DMD: variants seen among roughly 807,000 people sequenced by gnomAD.
DMD encodes dystrophin.
DMD carries 63 observed loss-of-function variants against 330.1 expected under a neutral mutation model. The ratio of observed to expected loss-of-function variants is 0.19; its 90% CI spans 0.16 to 0.24. The LOEUF is 0.24. DMD is among the 10% of genes least tolerant of loss of function. DMD has a pLI of 1.00. For missense variants in DMD, 3,344 were observed against 2,684.1 expected, an observed-to-expected ratio of 1.25 and a Z score of -5.43; for synonymous variants, 1,223 against 959.8, an observed-to-expected ratio of 1.27 and a Z score of -5.07.
chrX:32,684,332 G>C (rs2062688399), intron 9 of DMD, among the ~76,000 whole-genome samples: 1 of 111,226 alleles, frequency 9.0e-6, no homozygotes. Context: ...TTACAGCATG[G>C]TATTAAGTAT....
intron 74 of DMD, among the ~76,000 whole-genome samples, chrX:31,155,101 G>T (rs1222421358): frequency 8.9e-6 from 1 of 112,367 alleles, no homozygotes; most frequent in Admixed American, 9.4e-5. Flanking sequence ...AATTGGCAAG[G>T]CTTGTTCCCT....
chrX:31,822,653 G>GTTGTGTGTGTGTGTGT (rs1556919106), intron 49 of DMD, among the ~76,000 whole-genome samples: 1 of 65,809 alleles, frequency 1.5e-5, no homozygotes, highest in African/African-American at 6.4e-5. Context: ...AAGGCAGAGG[G>GTTGTGTGTGTGTGTGT]GTGTGTGTGT....
At chrX:33,325,878 C>T (rs990759459) in intron 1 of DMD, among the ~76,000 whole-genome samples, 2 of 111,575 alleles carry the variant, frequency 1.8e-5, no homozygotes, top group African/African-American at 3.3e-5. Context: ...TGTCAATTTA[C>T]TCTTCTATTA....
chrX:31,204,473 G>C (rs1480250565), intron 66 of DMD, among the ~76,000 whole-genome samples: 4 of 112,132 alleles, frequency 3.6e-5, no homozygotes, highest in Non-Finnish European at 7.5e-5. Flanking sequence ...AGCATTAAGA[G>C]ACATATAACT....
chrX:31,293,218 T>TAGTCTGGTTTA lies in DMD; in HGVS notation c.9224+30379_9224+30380insTAAACCAGACT, dbSNP rs1569519891. Among the ~76,000 whole-genome samples, 355 of 95,806 alleles carry TAGTCTGGTTTA rather than the reference T, an allele frequency of 3.7e-3. 5 individuals are homozygous for TAGTCTGGTTTA. Among genetic ancestry groups the TAGTCTGGTTTA allele is most frequent in the African/African-American group, 0.015 (342 of 22,629 alleles). The allele number at this position is 95,806 out of a possible 115,157, so 83.2% of individuals were successfully genotyped here. On this transcript the variant is annotated intron_variant, in intron 62 of 78. Transcript: ENST00000357033. ...TAGTCTGGTTTAGTGTGTGTGTGTGTGTGTGTGTGTGTGTGTGTGTGTGTG... is the reference window on the plus strand; with the variant it reads ...TAGTCTGGTTTAGTGTGTGTGTGTGTAGTCTGGTTTAGTGTGTGTGTGTGTGTGTGTGTGTG...
rs3083092 is a variant in DMD, at chrX:32,944,607, A to ATT, written c.93+75530_93+75531dup. ...ATCTGTTTGTATAGACTTTTAGTAG[A>ATT]TTTTTTTTTTTTTTTTATACAGAGT... is the stretch of plus-strand genomic sequence containing the variant. On this transcript the variant is annotated intron_variant, in intron 2 of 78. Transcript: ENST00000357033. Among the ~76,000 whole-genome samples, 1,031 of 96,543 alleles carry ATT rather than the reference A, an allele frequency of 0.011. 40 individuals are homozygous for ATT. The East Asian group carries it at 0.16, about 15-fold the overall frequency. 83.8% of individuals were successfully genotyped at this position (96,543 alleles called of 115,157 possible).
intron 7 of DMD, among the ~76,000 whole-genome samples, chrX:32,770,374 T>C (rs1303299202): frequency 9.0e-6 from 1 of 111,617 alleles, no homozygotes; most frequent in Middle Eastern, 4.7e-3. Context: ...AGTATTGCTA[T>C]TCGGAATAGA....
At position 32,873,990 on chromosome X, in the gene DMD, A is replaced by G. The variant is rs145210491; in HGVS notation, c.94-24170T>C. On this transcript the variant is annotated intron_variant, in intron 2 of 78. Coordinates refer to ENST00000357033, the MANE Select transcript of DMD (RefSeq NM_004006.3). ...CTCTGAAGATGTTAGTCAAGTGCAGACTCGTGTGAGGTCTAGGATAGCGCC... is the reference window on the plus strand; with the variant it reads ...CTCTGAAGATGTTAGTCAAGTGCAGGCTCGTGTGAGGTCTAGGATAGCGCC... Among the ~76,000 whole-genome samples, 373 of 111,658 alleles carry G rather than the reference A, an allele frequency of 3.3e-3. 9 individuals are homozygous for G. The East Asian group carries it at 0.058, about 17-fold the overall frequency.
chrX:31,176,736 C>T (rs911545180), intron 71 of DMD, among the ~76,000 whole-genome samples: 1 of 110,996 alleles, frequency 9.0e-6, no homozygotes, highest in Non-Finnish European at 1.9e-5. Flanking sequence ...TAAATAACTC[C>T]CTAAGTTCTT....
intron 29 of DMD, among the ~76,000 whole-genome samples, chrX:32,414,782 T>C (rs1442450499): frequency 2.7e-5 from 3 of 111,940 alleles, no homozygotes; most frequent in African/African-American, 6.5e-5. Flanking sequence ...AGAATGGGGG[T>C]GGGACATTAT....
intron 44 of DMD, among the ~76,000 whole-genome samples, chrX:32,023,085 C>T (rs1335003302): frequency 2.7e-5 from 3 of 111,184 alleles, no homozygotes; most frequent in Non-Finnish European, 5.7e-5. Flanking sequence ...CCCGCCTCGG[C>T]CTCCTGAAGC....
intron 9 of DMD, among the ~76,000 whole-genome samples, chrX:32,680,194 G>A (rs1431012218): frequency 9.1e-6 from 1 of 110,023 alleles, no homozygotes; most frequent in Non-Finnish European, 1.9e-5. Flanking sequence ...TTACAGGCAT[G>A]AGCCACCGTG....
chrX:33,058,473 T>TTA (rs1557238210), intron 1 of DMD, among the ~76,000 whole-genome samples: 25 of 104,502 alleles, frequency 2.4e-4, no homozygotes, highest in African/African-American at 8.7e-4. Flanking sequence ...ATTATTTTAT[T>TTA]TTTTTTTTTT....
Position 31,206,671 on chromosome X carries a change from T to A in DMD, c.9564-4A>T, listed in dbSNP as rs1414694676. 4.2e-6 allele frequency: 5 copies of A among 1,197,383 alleles called. No individual in the cohort carries two copies. The highest frequency in any genetic ancestry group is 5.7e-6 in the Non-Finnish European group (5 of 884,460). On this transcript the variant is annotated splice_region_variant and splice_polypyrimidine_tract_variant and intron_variant, in intron 65 of 78. Transcript: ENST00000357033. ...ACGGATCCTCCCTGTTCGTCCCCTA[T>A]TATGAAGAATCAAAGCAGAAAACAA...
chrX:32,514,480 G>A (rs1468917102), intron 18 of DMD, among the ~76,000 whole-genome samples: 5 of 112,124 alleles, frequency 4.5e-5, no homozygotes, highest in South Asian at 7.4e-4. Flanking sequence ...GGTGGCTCAC[G>A]CCTGTAATCC....
intron 1 of DMD, among the ~76,000 whole-genome samples, chrX:33,108,972 T>A (rs2095317750): frequency 1.9e-5 from 2 of 107,443 alleles, no homozygotes; most frequent in Admixed American, 2.1e-4. Context: ...AATTATAGTA[T>A]CAATTTTATT....
rs148890449 is a variant in DMD, at chrX:33,050,983, A to G, written c.32-30783T>C. ...TCTCAGACCCATTTTCAAAAAAACA[A>G]TAAATCCAAAAGCCAAAAGCAATAA... On this transcript the variant is annotated intron_variant, in intron 1 of 78. Transcript: ENST00000357033. Among the ~76,000 whole-genome samples, 1,004 of 111,417 alleles carry G rather than the reference A, an allele frequency of 9.0e-3. 12 individuals carry two copies. Among genetic ancestry groups the G allele is most frequent in the African/African-American group, 0.031 (957 of 30,650 alleles).
At chrX:32,133,257 C>T (rs1399064722) in intron 44 of DMD, among the ~76,000 whole-genome samples, 3 of 109,927 alleles carry the variant, frequency 2.7e-5, no homozygotes, top group Non-Finnish European at 5.7e-5. Flanking sequence ...CTGCCCGCCT[C>T]GGCCTCCCAA....
In DMD at chrX:32,937,978, G is replaced by A. The variant is rs940713280; in HGVS notation, c.93+82161C>T. On this transcript the variant is annotated intron_variant, in intron 2 of 78. Coordinates refer to ENST00000357033, the MANE Select transcript of DMD (RefSeq NM_004006.3). ...CCTTCATTTTACTCTGGCTTTCAAC[G>A]TTGGATACACATTAAAATTATCTAG... Among the ~76,000 whole-genome samples the A allele has an allele frequency of 6.3e-5, 7 of 111,302 alleles. 1 individual carries two copies. The highest frequency in any genetic ancestry group is 9.2e-3 in the Middle Eastern group (2 of 217).
Sources: allele counts gnomAD v4.1 joint callset (sites outside exome capture counted in the v4.1 genomes callset), GRCh38; gene constraint gnomAD v4.1.1; transcripts MANE v1.5; gene names NCBI Gene and HGNC (gene_info 2026-07-23, HGNC 2026-07-21).